PAMR1: variants seen among roughly 807,000 people sequenced by gnomAD.
PAMR1 encodes the protein inactive serine protease PAMR1.
A neutral mutation model predicts 81.8 loss-of-function variants in PAMR1; 88 were observed. The observed-to-expected ratio is 1.08, with a 90% CI of 0.91 to 1.28. The LOEUF is 1.28. PAMR1 is among the 50% of genes most tolerant of loss of function. The pLI is 0.00. For missense variants in PAMR1, 935 were observed against 919.7 expected (o/e 1.02, Z -0.21); for synonymous variants, 336 against 345.3 (o/e 0.97, Z 0.30).
At chr11:35,493,980 A>ATC (rs1850674861) in intron 2 of PAMR1, 116 bp downstream of exon 2, 1 of 764,290 alleles carries the variant, frequency 1.3e-6, no homozygotes, top group Non-Finnish European at 2.2e-6. Context: ...ACTTTTCATA[A>ATC]TCATGGCACC....
chr11:35,498,733 C>T (rs1316374563), intron 1 of PAMR1, among the ~76,000 whole-genome samples: 1 of 152,158 alleles, frequency 6.6e-6, no homozygotes, highest in Admixed American at 6.5e-5. Flanking sequence ...CTCTCCATTT[C>T]TCAAAACCAC....
intron 1 of PAMR1, among the ~76,000 whole-genome samples, chr11:35,500,677 G>A (rs745833849): frequency 1.3e-5 from 2 of 152,164 alleles, no homozygotes; most frequent in South Asian, 2.1e-4. Flanking sequence ...ACAGGCATAC[G>A]TTCTGTGAAA....
chr11:35,507,511 T>C (rs2032575074), intron 1 of PAMR1, among the ~76,000 whole-genome samples: 1 of 152,208 alleles, frequency 6.6e-6, no homozygotes, highest in African/African-American at 2.4e-5. Context: ...TTCTGATAAA[T>C]TTCTGAATTA....
intron 1 of PAMR1, among the ~76,000 whole-genome samples, chr11:35,521,391 C>T (rs1245162761): frequency 3.3e-5 from 5 of 152,166 alleles, no homozygotes; most frequent in Admixed American, 6.5e-5. Context: ...TGTCCCATCC[C>T]TCTCAGAAAT....
Position 35,456,876 on chromosome 11 carries a change from C to A in PAMR1, c.820+11125G>T, listed in dbSNP as rs147746688. 2.1e-3 allele frequency among the ~76,000 whole-genome samples: 321 copies of A among 152,298 alleles called. 1 individual carries two copies. Among genetic ancestry groups the A allele is most frequent in the African/African-American group, 6.0e-3 (249 of 41,558 alleles). ...TCTTACACACAGAGAAGAGCTTGTG[C>A]ATGTGCACACGTGTGTGTACAGAAT... On this transcript the variant is annotated intron_variant, in intron 6 of 10. Coordinates refer to ENST00000619888, the MANE Select transcript of PAMR1 (RefSeq NM_001001991.3).
At chr11:35,475,946 T>C (rs1242436641) in intron 3 of PAMR1, among the ~76,000 whole-genome samples, 1 of 152,198 alleles carries the variant, frequency 6.6e-6, no homozygotes, top group African/African-American at 2.4e-5. Context: ...CATAGTTATA[T>C]TCAATAACTC....
intron 1 of PAMR1, among the ~76,000 whole-genome samples, chr11:35,505,361 T>A (rs1475099533): frequency 6.6e-6 from 1 of 152,180 alleles, no homozygotes; most frequent in East Asian, 1.9e-4. Flanking sequence ...TGGATCCATT[T>A]AGTCTACTGT....
chr11:35,511,697 G>A (rs541966371), intron 1 of PAMR1, among the ~76,000 whole-genome samples: 2 of 152,194 alleles, frequency 1.3e-5, no homozygotes, highest in African/African-American at 4.8e-5. Context: ...GAAACAGAGA[G>A]AGATACAACT....
rs1352615333 is a variant in PAMR1 at position 35,432,860 on chromosome 11, G to A, written c.1659C>T (p.Asp553=). The A allele has an allele frequency of 6.3e-7, 1 of 1,592,728 alleles. No individual in the cohort carries two copies. The highest frequency in any genetic ancestry group is 8.5e-7 in the Non-Finnish European group (1 of 1,175,106). The change falls in exon 11 of 11, where the codon GAC becomes GAT. Residue 553 remains aspartate, a synonymous_variant. Coordinates refer to ENST00000619888, the MANE Select transcript of PAMR1 (RefSeq NM_001001991.3). ...CGATGTCAGCATCAAGCAGGATGGG[G>A]TCATAGTTGGGATGCAGAATGATAG... is the stretch of plus-strand genomic sequence containing the variant. ...ISAIILHPNY[D]PILLDADIAI...
intron 1 of PAMR1, among the ~76,000 whole-genome samples, chr11:35,512,402 C>T (rs1007410870): frequency 6.6e-5 from 10 of 152,278 alleles, no homozygotes; most frequent in Admixed American, 3.9e-4. Flanking sequence ...CCAGGTAACA[C>T]GGCTTTCAGG....
intron 8 of PAMR1, among the ~76,000 whole-genome samples, chr11:35,438,634 T>C (rs1299742006): frequency 6.6e-6 from 1 of 152,228 alleles, no homozygotes; most frequent in Non-Finnish European, 1.5e-5. Context: ...TACTAGAACT[T>C]TCAGCATGAA....
At chr11:35,505,546 T>A (rs953340746) in intron 1 of PAMR1, among the ~76,000 whole-genome samples, 8 of 152,140 alleles carry the variant, frequency 5.3e-5, no homozygotes, top group African/African-American at 1.7e-4. Flanking sequence ...CATTGTTGGG[T>A]GCATAGATAT....
chr11:35,526,565 G>A (rs1851395471), upstream of PAMR1, among the ~76,000 whole-genome samples: 1 of 152,142 alleles, frequency 6.6e-6, no homozygotes, highest in Admixed American at 6.5e-5. Flanking sequence ...AATAAACCTA[G>A]CCTCTGTATT....
chr11:35,458,819 C>A (rs1590335658), intron 6 of PAMR1, among the ~76,000 whole-genome samples: 1 of 152,342 alleles, frequency 6.6e-6, no homozygotes, highest in East Asian at 1.9e-4. Context: ...GAGGCCAGCT[C>A]TTACAGACAG....
chr11:35,436,165 G>C (rs764907045), intron 8 of PAMR1, 30 bp from the exon 9 acceptor site: 1 of 1,449,384 alleles, frequency 6.9e-7, no homozygotes, highest in East Asian at 2.3e-5. Context: ...CCCAGAGAAA[G>C]AGCAGGGTGA....
intron 5 of PAMR1, among the ~76,000 whole-genome samples, chr11:35,468,544 T>TTGAAGGTATATTCAGGTATA (rs1856797104): frequency 6.6e-6 from 1 of 152,240 alleles, no homozygotes; most frequent in African/African-American, 2.4e-5. Context: ...TATGACACTG[T>TTGAAGGTATATTCAGGTATA]TGAAGGTATA....
intron 10 of PAMR1, 55 bp from the exon 11 acceptor site, chr11:35,432,947 A>G: frequency 6.9e-7 from 1 of 1,455,906 alleles, no homozygotes; most frequent in Non-Finnish European, 9.2e-7. Context: ...ACAGTGGATA[A>G]GAACAGACAA....
At chr11:35,437,631 T>C (rs1590315832) in intron 8 of PAMR1, among the ~76,000 whole-genome samples, 1 of 152,386 alleles carries the variant, frequency 6.6e-6, no homozygotes, top group East Asian at 1.9e-4. Flanking sequence ...TTCAGCTGCC[T>C]GTCTTCCCAA....
chr11:35,478,933 T>A (rs936385507), intron 3 of PAMR1, among the ~76,000 whole-genome samples: 5 of 152,278 alleles, frequency 3.3e-5, no homozygotes, highest in Admixed American at 2.6e-4. Flanking sequence ...TCATTGCCGA[T>A]CTTTCCCCAT....
Sources: allele counts gnomAD v4.1 joint callset (sites outside exome capture counted in the v4.1 genomes callset), GRCh38; gene constraint gnomAD v4.1.1; transcripts MANE v1.5; gene names NCBI Gene and HGNC (gene_info 2026-07-23, HGNC 2026-07-21).